The following ABCA1 variants were observed in gnomAD, a reference collection of about 807,000 sequenced individuals.
ABCA1 encodes the protein phospholipid-transporting ATPase ABCA1.
ABCA1 carries 133 observed loss-of-function variants against 262.5 expected under a neutral mutation model. The ratio of observed to expected loss-of-function variants is 0.51; its 90% CI spans 0.44 to 0.59. The LOEUF (loss-of-function observed/expected upper bound fraction) is 0.59, where lower values mean the gene tolerates loss of function less well. Ranked by LOEUF, ABCA1 falls within the 20% of genes least tolerant of loss-of-function variation. The pLI, the probability that ABCA1 is intolerant of heterozygous loss-of-function variation, is 0.00. For synonymous variants in ABCA1, 1,022 were observed against 1,043.5 expected, an observed-to-expected ratio of 0.98 and a Z score of 0.40; for missense variants, 2,452 against 2,777.5, an observed-to-expected ratio of 0.88 and a Z score of 2.63.
chr9:104,840,171 A>T, intron 9 of ABCA1, 108 bp downstream of exon 9: 4 of 1,581,834 alleles, frequency 2.5e-6, no homozygotes, highest in Non-Finnish European at 3.4e-6. Flanking sequence ...GCAAATGGGC[A>T]TGTAGACATC....
At chr9:104,805,086 A>G (rs1830650180) in intron 31 of ABCA1, among the ~76,000 whole-genome samples, 1 of 152,012 alleles carries the variant, frequency 6.6e-6, no homozygotes, top group African/African-American at 2.4e-5. Flanking sequence ...TATTCATTTT[A>G]TTTTTTGATA....
chr9:104,825,564 T>C, intron 17 of ABCA1, 119 bp downstream of exon 17: 1 of 979,030 alleles, frequency 1.0e-6, no homozygotes, highest in South Asian at 1.3e-5. Context: ...ATCTGTTTAC[T>C]ATAGATCTAT....
chr9:104,882,935 G>A lies in ABCA1; in HGVS notation c.421+104C>T, dbSNP rs761710226. The A allele has an allele frequency of 3.4e-5, 40 of 1,162,984 alleles. No homozygotes were observed. The African/African-American group carries it at 5.9e-4, about 17-fold the overall frequency. The allele number at this position is 1,162,984 out of a possible 1,614,324, so 72.0% of individuals were successfully genotyped here. On this transcript the variant is annotated intron_variant, in intron 5 of 49. Coordinates refer to ENST00000374736, the MANE Select transcript of ABCA1 (RefSeq NM_005502.4). ...AGCCACCAAGGAGAAAAACCCCTTG[G>A]GGAAGATCTAATGGGAACAAGCCCC...
intron 2 of ABCA1, among the ~76,000 whole-genome samples, chr9:104,898,549 A>AAAATAAAT (rs60925856): frequency 1.8e-3 from 252 of 143,158 alleles, no homozygotes; most frequent in East Asian, 2.1e-3. Flanking sequence ...TCCGTCTTGA[A>AAAATAAAT]AAATAAATAA....
chr9:104,870,813 T>A (rs1837539434), intron 5 of ABCA1, among the ~76,000 whole-genome samples: 1 of 151,202 alleles, frequency 6.6e-6, no homozygotes, highest in African/African-American at 2.4e-5. Context: ...TTTGGGAAGG[T>A]AATGGAAAAT....
In ABCA1 at chr9:104,785,440, G is replaced by A. The variant is rs778784679; in HGVS notation, c.6601C>T (p.Leu2201Phe). The change falls in exon 49 of 50, where the codon CTC becomes TTC. Residue 2201 changes from leucine (L) to phenylalanine (F), a missense_variant. Transcript: ENST00000374736. ...FSILSQSKKR[L>F]HIEDYSVSQT... Reference sequence around the variant, plus strand: ...GAAACAGAGTAGTCTTCTATGTGGAGTCGCTTTTTGCTCTGGGAGAGGATG... The same window carrying A: ...GAAACAGAGTAGTCTTCTATGTGGAATCGCTTTTTGCTCTGGGAGAGGATG... The A allele has an allele frequency of 6.2e-7, 1 of 1,614,128 alleles. No homozygotes were observed. Among genetic ancestry groups the A allele is most frequent in the Non-Finnish European group, 8.5e-7 (1 of 1,179,980 alleles).
intron 25 of ABCA1, among the ~76,000 whole-genome samples, chr9:104,815,397 G>A (rs986660155): frequency 2.0e-5 from 3 of 152,118 alleles, no homozygotes; most frequent in African/African-American, 7.2e-5. Context: ...TGTCAAGCTT[G>A]GAGACCACTT....
chr9:104,879,136 T>G (rs1414217870), intron 5 of ABCA1, among the ~76,000 whole-genome samples: 2 of 151,908 alleles, frequency 1.3e-5, no homozygotes, highest in Non-Finnish European at 2.9e-5. Context: ...GGCAGTCTCC[T>G]CCACTAAGAT....
At chr9:104,926,115 G>A (rs1160417372) in intron 1 of ABCA1, among the ~76,000 whole-genome samples, 4 of 152,096 alleles carry the variant, frequency 2.6e-5, no homozygotes, top group African/African-American at 9.7e-5. Flanking sequence ...CGGCCATGGA[G>A]GGCAAGTGAC....
At chr9:104,809,628 A>G in intron 29 of ABCA1, 64 bp from the exon 30 acceptor site, 3 of 1,411,298 alleles carry the variant, frequency 2.1e-6, no homozygotes, top group East Asian at 2.4e-5. Flanking sequence ...AGAGATAAAA[A>G]TGTTTTTATA....
At chr9:104,914,096 G>A (rs1397780577) in intron 1 of ABCA1, among the ~76,000 whole-genome samples, 2 of 151,482 alleles carry the variant, frequency 1.3e-5, no homozygotes, top group Non-Finnish European at 2.9e-5. Flanking sequence ...ACCGCACCCG[G>A]CCCCCTACAA....
At chr9:104,844,518 ATT>A (rs1834686182) in intron 8 of ABCA1, among the ~76,000 whole-genome samples, 1 of 152,178 alleles carries the variant, frequency 6.6e-6, no homozygotes, top group Non-Finnish European at 1.5e-5. Flanking sequence ...AGTCTTCAGC[ATT>A]TTCCACAATG....
At chr9:104,873,715 A>C (rs1837850966) in intron 5 of ABCA1, among the ~76,000 whole-genome samples, 1 of 152,224 alleles carries the variant, frequency 6.6e-6, no homozygotes, top group Non-Finnish European at 1.5e-5. Context: ...TGATTGTAAA[A>C]ATGCAGTGAG....
intron 16 of ABCA1, among the ~76,000 whole-genome samples, chr9:104,826,576 T>C (rs1024043195): frequency 2.0e-5 from 3 of 152,200 alleles, no homozygotes; most frequent in Non-Finnish European, 2.9e-5. Context: ...TCAGTTCTAT[T>C]TGTGGCCTTG....
At chr9:104,899,213 G>A (rs1840460663) in intron 2 of ABCA1, among the ~76,000 whole-genome samples, 2 of 152,150 alleles carry the variant, frequency 1.3e-5, no homozygotes, top group African/African-American at 4.8e-5. Context: ...GGCCAAGCTG[G>A]GATTGGAATC....
At position 104,786,319 on chromosome 9, in the gene ABCA1, C is replaced by T. The variant is rs1375277326; in HGVS notation, c.6380G>A (p.Ser2127Asn). The T allele has an allele frequency of 1.2e-6, 2 of 1,614,076 alleles. No individual in the cohort carries two copies. Among genetic ancestry groups the T allele is most frequent in the Non-Finnish European group, 1.7e-6 (2 of 1,179,958 alleles). The change falls in exon 48 of 50, where the codon AGT becomes AAT. Residue 2127 changes from serine (S) to asparagine (N), a missense_variant. Coordinates refer to ENST00000374736, the MANE Select transcript of ABCA1 (RefSeq NM_005502.4). ...TTACCTATTTTTTAGATGCTGGACA[C>T]TGCCAAGGCACCTGAACCTTCCATT... ...MVNGRFRCLGSVQHLKNRFGD... is the reference protein window; with the variant it reads ...MVNGRFRCLGNVQHLKNRFGD...
chr9:104,792,852 C>T lies in ABCA1; in HGVS notation c.5691G>A (p.Arg1897=). Residue 1897 remains arginine, a synonymous_variant, in exon 42 of 50, where the codon CGG becomes CGA. Transcript: ENST00000374736. ...CACCATCAAGAATTCTCTGTCTTTC[C>T]CGCCTCACATCTTCATCTTCATCAT... ...PLNDEDEDVR[R]ERQRILDGGG... is the part of the protein sequence containing the mutation. 2 of 1,614,124 alleles carry T rather than the reference C, an allele frequency of 1.2e-6. No homozygotes were observed. The highest frequency in any genetic ancestry group is 1.7e-6 in the Non-Finnish European group (2 of 1,180,008).
chr9:104,862,283 T>TA (rs1836488816), intron 5 of ABCA1, among the ~76,000 whole-genome samples: 2 of 151,886 alleles, frequency 1.3e-5, no homozygotes, highest in South Asian at 4.2e-4. Flanking sequence ...TTTTTTTTTT[T>TA]ATCTTTAGTA....
At chr9:104,886,429 G>A (rs573061665) in intron 3 of ABCA1, among the ~76,000 whole-genome samples, 6 of 152,158 alleles carry the variant, frequency 3.9e-5, no homozygotes, top group African/African-American at 1.2e-4. Context: ...AGGGACTCTG[G>A]CCTATTGAAC....
Sources: gnomAD v4.1 joint callset for allele counts (sites outside exome capture counted in the v4.1 genomes callset) on GRCh38, gnomAD v4.1.1 for gene constraint, MANE v1.5 for transcripts, NCBI Gene and HGNC (gene_info 2026-07-23, HGNC 2026-07-21) for gene names.